The following CCDC51 variants were observed in gnomAD, a reference collection of about 807,000 sequenced individuals.
CCDC51 encodes coiled-coil domain containing 51, also known as mitochondrial potassium channel.
Under a neutral mutation model 24.8 loss-of-function variants are expected in CCDC51, and 25 were observed. That is an observed-to-expected ratio of 1.01 (90% CI 0.73 to 1.41). The LOEUF (loss-of-function observed/expected upper bound fraction) is 1.41, where lower values mean the gene tolerates loss of function less well. Ranked by LOEUF, CCDC51 falls within the 40% of genes most tolerant of loss-of-function variation. The pLI is 0.00. For synonymous variants in CCDC51, 190 were observed against 204.3 expected (o/e 0.93, Z 0.60); for missense variants, 466 against 519.1 (o/e 0.90, Z 0.99).
Position 48,434,872 on chromosome 3 carries a change from T to C in CCDC51, c.257A>G (p.Tyr86Cys), listed in dbSNP as rs1315000394. The C allele has an allele frequency of 1.2e-6, 2 of 1,614,132 alleles. No individual in the cohort carries two copies. The highest frequency in any genetic ancestry group is 8.5e-7 in the Non-Finnish European group (1 of 1,180,004). Reference protein sequence around the residue: ...TSTAKTWWDRYEEFVGLNEVR... With the variant: ...TSTAKTWWDRCEEFVGLNEVR... The stretch of plus-strand genomic sequence containing the variant: ...CTCGTTGAGTCCAACAAACTCTTCA[T>C]ATCTGTCCCACCAAGTCTTGGCTGT... Residue 86 changes from tyrosine (Y) to cysteine (C), a missense_variant, in exon 2 of 4, where the codon TAT becomes TGT. Coordinates refer to ENST00000395694, the MANE Select transcript of CCDC51 (RefSeq NM_001256964.2).
intron 1 of CCDC51, among the ~76,000 whole-genome samples, chr3:48,439,451 G>A (rs1287353402): frequency 1.3e-5 from 2 of 152,202 alleles, no homozygotes; most frequent in Non-Finnish European, 2.9e-5. Flanking sequence ...GGCCAACATG[G>A]CGAAACCCCG....
In CCDC51 at chr3:48,434,853, G is replaced by A. The variant is rs1560090493; in HGVS notation, c.276C>T (p.Leu92=). ...TTCCCTGGGCCTCTCGAACCTCGTT[G>A]AGTCCAACAAACTCTTCATATCTGT... ...WWDRYEEFVG[L]NEVREAQGKV... Residue 92 remains leucine, a synonymous_variant, in exon 2 of 4, where the codon CTC becomes CTT. Transcript: ENST00000395694. The A allele has an allele frequency of 4.3e-6, 7 of 1,612,168 alleles. No homozygotes were observed. The highest frequency in any genetic ancestry group is 5.1e-6 in the Non-Finnish European group (6 of 1,178,626).
upstream of CCDC51, among the ~76,000 whole-genome samples, chr3:48,441,988 C>T (rs2039579837): frequency 6.6e-6 from 1 of 151,858 alleles, no homozygotes; most frequent in African/African-American, 2.4e-5. Context: ...AATCCAAGTG[C>T]TTTGGGAGGC....
chr3:48,433,628 T>G lies in CCDC51; in HGVS notation c.477+79A>C. On this transcript the variant is annotated intron_variant, in intron 3 of 3. Coordinates refer to ENST00000395694, the MANE Select transcript of CCDC51 (RefSeq NM_001256964.2). This position sits in a 1 kb window ranked among gnomAD's most constrained non-coding sequence, Gnocchi z 4.4. Reference sequence around the variant, plus strand: ...GCCTCTGACTACAGACCAGTCAGGGTTCCCACCCGGCCCCTCCATGATCTG... The same window carrying G: ...GCCTCTGACTACAGACCAGTCAGGGGTCCCACCCGGCCCCTCCATGATCTG... 1 of 1,489,128 alleles carries G rather than the reference T, an allele frequency of 6.7e-7. No homozygotes were observed. The highest frequency in any genetic ancestry group is 9.1e-7 in the Non-Finnish European group (1 of 1,093,890). 92.2% of individuals were successfully genotyped at this position (1,489,128 alleles called of 1,614,324 possible). A position where few individuals can be genotyped will look rare whatever the true frequency, so the allele number is the denominator to read the frequency against.
At chr3:48,445,854 C>T in the CCDC51 span, among the ~76,000 whole-genome samples, 1 of 152,312 alleles carries the variant, frequency 6.6e-6, no homozygotes, top group Admixed American at 6.5e-5. Context: ...TTGCGGCTAA[C>T]TTCTGCACAC....
chr3:48,432,700 G>A lies in CCDC51; in HGVS notation c.944C>T (p.Ser315Leu). 1.2e-6 allele frequency: 2 copies of A among 1,614,218 alleles called. No individual in the cohort carries two copies. Among genetic ancestry groups the A allele is most frequent in the Non-Finnish European group, 1.7e-6 (2 of 1,180,052 alleles). The change falls in exon 4 of 4, where the codon TCA becomes TTA. Residue 315 changes from serine (S) to leucine (L), a missense_variant. Ser to Leu is a moderately radical substitution (Grantham distance 145). Transcript: ENST00000395694. Reference sequence around the variant, plus strand: ...CTGCTCTCGTAAGCCTTCTAGACATGAATGGACTTGCCTGGAATGACTAAG... The same window carrying A: ...CTGCTCTCGTAAGCCTTCTAGACATAAATGGACTTGCCTGGAATGACTAAG... ...EQLSHSRQVH[S>L]CLEGLREQLD...
upstream of CCDC51, among the ~76,000 whole-genome samples, chr3:48,444,511 G>C (rs1006836482): frequency 6.6e-5 from 10 of 152,176 alleles, no homozygotes; most frequent in Non-Finnish European, 2.9e-5. Context: ...GACCTCAAGT[G>C]ATCTGCCTGC....
intron 2 of CCDC51, 167 bp from the exon 3 acceptor site, chr3:48,434,038 A>G (rs2039275427): frequency 2.2e-6 from 3 of 1,394,726 alleles, no homozygotes; most frequent in African/African-American, 2.9e-5. Context: ...TGGTGCTCAA[A>G]GTGCAGCCTT....
intron 1 of CCDC51, among the ~76,000 whole-genome samples, chr3:48,436,445 T>A (rs969174315): frequency 6.6e-6 from 1 of 152,156 alleles, no homozygotes; most frequent in Non-Finnish European, 1.5e-5. Context: ...GGGCCTGAGC[T>A]GAGAGCCGCA....
upstream of CCDC51, chr3:48,440,199 A>G (rs1575429236): frequency 1.3e-6 from 2 of 1,511,892 alleles, no homozygotes; most frequent in Non-Finnish European, 8.8e-7. Context: ...CTTCCTGACT[A>G]GGAGCCAATC....
chr3:48,439,955 G>C (rs1319595121), intron 1 of CCDC51, 33 bp downstream of exon 1: 2 of 398,602 alleles, frequency 5.0e-6, no homozygotes, highest in African/African-American at 4.1e-5. Context: ...CGAGCTTGAA[G>C]CTCTTTGCAC....
chr3:48,443,241 CAAAAAA>C (rs3082576), upstream of CCDC51, among the ~76,000 whole-genome samples: 5 of 70,538 alleles, frequency 7.1e-5, no homozygotes, highest in African/African-American at 1.3e-4. Flanking sequence ...ACTCCATCTC[CAAAAAA>C]AAAAAAAAAA....
chr3:48,433,637 G>C lies in CCDC51; in HGVS notation c.477+70C>G. The C allele has an allele frequency of 6.5e-7, 1 of 1,527,610 alleles. No individual in the cohort carries two copies. The highest frequency in any genetic ancestry group is 2.3e-5 in the East Asian group (1 of 44,100). The allele number at this position is 1,527,610 out of a possible 1,614,324, so 94.6% of individuals were successfully genotyped here. ...TACAGACCAGTCAGGGTTCCCACCC[G>C]GCCCCTCCATGATCTGCCAGGCTAG... On this transcript the variant is annotated intron_variant, in intron 3 of 3. Coordinates refer to ENST00000395694, the MANE Select transcript of CCDC51 (RefSeq NM_001256964.2). This position sits in a 1 kb window ranked among gnomAD's most constrained non-coding sequence, Gnocchi z 4.4.
Position 48,432,316 on chromosome 3 carries a change from T to C in CCDC51, c.*92A>G, listed in dbSNP as rs7620665. Reference sequence around the variant, plus strand: ...TGCTCCTTCAGATTGAGGTTGTACATGCCCCCAAAGGCTCGCTTCATTGCT... The same window carrying C: ...TGCTCCTTCAGATTGAGGTTGTACACGCCCCCAAAGGCTCGCTTCATTGCT... On this transcript the variant is annotated 3_prime_UTR_variant, in exon 4 of 4. Coordinates refer to ENST00000395694, the MANE Select transcript of CCDC51 (RefSeq NM_001256964.2). The C allele has an allele frequency of 6.8e-7, 1 of 1,479,378 alleles. No homozygotes were observed. The highest frequency in any genetic ancestry group is 9.2e-7 in the Non-Finnish European group (1 of 1,083,864). 91.6% of individuals were successfully genotyped at this position (1,479,378 alleles called of 1,614,324 possible).
upstream of CCDC51, among the ~76,000 whole-genome samples, chr3:48,444,631 T>C (rs1334531104): frequency 3.3e-5 from 5 of 152,252 alleles, no homozygotes; most frequent in Non-Finnish European, 7.3e-5. Context: ...AATTGCCGTA[T>C]ATTTTGATGA....
rs1451097040 is a variant in CCDC51 at position 48,440,035 on chromosome 3, G to C, written c.-56C>G. On this transcript the variant is annotated 5_prime_UTR_variant, in exon 1 of 4. Coordinates refer to ENST00000395694, the MANE Select transcript of CCDC51 (RefSeq NM_001256964.2). ...GGCCACAGGCCTGGTAGGCCGTCCG[G>C]TTAAGTACCCCTCCTACGGTTCCGA... 3.5e-6 allele frequency: 2 copies of C among 570,690 alleles called. No individual in the cohort carries two copies. The highest frequency in any genetic ancestry group is 6.0e-6 in the Non-Finnish European group (2 of 334,306). 35.4% of individuals were successfully genotyped at this position (570,690 alleles called of 1,614,324 possible). A position where few individuals can be genotyped will look rare whatever the true frequency, so the allele number is the denominator to read the frequency against.
In CCDC51 at chr3:48,434,881, C is replaced by T; in HGVS notation, c.248G>A (p.Trp83Ter). 1 of 1,614,196 alleles carries T rather than the reference C, an allele frequency of 6.2e-7. No individual in the cohort carries two copies. Among genetic ancestry groups the T allele is most frequent in the Middle Eastern group, 1.6e-4 (1 of 6,062 alleles). ...TCCAACAAACTCTTCATATCTGTCC[C>T]ACCAAGTCTTGGCTGTGGAGGTCGC... ...QRATSTAKTW[W>*]DRYEEFVGLN... Residue 83 changes from tryptophan to a stop codon, truncating the protein, a stop_gained, in exon 2 of 4, where the codon TGG becomes TAG. Coordinates refer to ENST00000395694, the MANE Select transcript of CCDC51 (RefSeq NM_001256964.2). LOFTEE classifies it high-confidence loss of function.
upstream of CCDC51, among the ~76,000 whole-genome samples, chr3:48,444,742 G>A (rs372667740): frequency 1.7e-4 from 26 of 152,348 alleles, no homozygotes; most frequent in African/African-American, 6.3e-4. Context: ...CTGTGGAAGA[G>A]GCAGGGCAGG....
upstream of CCDC51, chr3:48,445,287 T>C (rs2039648694): frequency 6.6e-6 from 1 of 152,210 alleles, no homozygotes; most frequent in African/African-American, 2.4e-5. Flanking sequence ...AAGAGCGCTC[T>C]GGAACCATTA....
Sources: gnomAD v4.1 joint callset for allele counts (sites outside exome capture counted in the v4.1 genomes callset) on GRCh38, gnomAD v4.1.1 for gene constraint, Gnocchi (gnomAD v3.1) non-coding constraint, MANE v1.5 for transcripts, NCBI Gene and HGNC (gene_info 2026-07-23, HGNC 2026-07-21) for gene names.